STOX2: variants seen among roughly 807,000 people sequenced by gnomAD.
The protein encoded by STOX2 is storkhead box 2.
Under a neutral mutation model 60.9 loss-of-function variants are expected in STOX2, and 28 were observed. That is an observed-to-expected ratio of 0.46 (90% confidence interval 0.34 to 0.63). STOX2 has a LOEUF of 0.63. Among genes scored for constraint, STOX2 ranks in the 30% least tolerant of loss-of-function variants. The probability of loss-of-function intolerance (pLI) is 0.01; values close to 1 mark genes in which losing one functional copy is unlikely to be tolerated. For missense variants in STOX2, 1,024 were observed against 1,187.7 expected (o/e 0.86, Z 2.03); for synonymous variants, 472 against 463.9 (o/e 1.02, Z -0.22).
chr4:183,801,262 T>G (rs553203619), intron 1 of STOX2, among the ~76,000 whole-genome samples: 1 of 152,338 alleles, frequency 6.6e-6, no homozygotes, highest in Admixed American at 6.5e-5. Flanking sequence ...AGAAATAACC[T>G]ACTGTGGGCA....
At chr4:183,979,522 G>A (rs1732574084) in intron 1 of STOX2, among the ~76,000 whole-genome samples, 3 of 152,104 alleles carry the variant, frequency 2.0e-5, no homozygotes, top group African/African-American at 4.8e-5. Context: ...TGATGAAAAT[G>A]TTCTGTATCT....
chr4:183,815,526 T>C (rs977805375), intron 1 of STOX2, among the ~76,000 whole-genome samples: 2 of 152,174 alleles, frequency 1.3e-5, no homozygotes, highest in Admixed American at 6.5e-5. Flanking sequence ...ATAAAATAAA[T>C]TGGACAATTA....
At chr4:183,823,036 T>A (rs1334414614) in intron 1 of STOX2, among the ~76,000 whole-genome samples, 1 of 152,240 alleles carries the variant, frequency 6.6e-6, no homozygotes, top group Non-Finnish European at 1.5e-5. Context: ...AAAGCTTGTA[T>A]GATCTACGTT....
At chr4:183,919,249 C>T (rs763797648) in intron 1 of STOX2, among the ~76,000 whole-genome samples, 12 of 152,252 alleles carry the variant, frequency 7.9e-5, no homozygotes, top group South Asian at 2.1e-4. Context: ...ATGCCAGAGG[C>T]GTAGTGAATA....
rs1354048949 is a variant in STOX2, at chr4:184,010,560, G to A, written c.1722G>A (p.Glu574=). 2 of 1,613,776 alleles carry A rather than the reference G, an allele frequency of 1.2e-6. No individual in the cohort carries two copies. The highest frequency in any genetic ancestry group is 1.7e-6 in the Non-Finnish European group (2 of 1,179,864). ...CGTCCAGCGCTTGCAGCCTTTTGGAGCCAGGAAAACCACCCGAGAGTTTGC... is the reference window on the plus strand; with the variant it reads ...CGTCCAGCGCTTGCAGCCTTTTGGAACCAGGAAAACCACCCGAGAGTTTGC... ...KEPSSACSLL[E]PGKPPESLPS... The change falls in exon 3 of 4, where the codon GAG becomes GAA. Residue 574 remains glutamate, a synonymous_variant. Transcript: ENST00000308497. The surrounding 1 kb of genome is among the most constrained non-coding windows in gnomAD (Gnocchi z 4.5).
Position 183,930,550 on chromosome 4 carries a change from G to A in STOX2, c.166+23594G>A, listed in dbSNP as rs146248185. Reference sequence around the variant, plus strand: ...TTTTTGTATTTTTCCTAGAGACGGAGTCTCATTATATTGCCCAGGCTAGTC... The same window carrying A: ...TTTTTGTATTTTTCCTAGAGACGGAATCTCATTATATTGCCCAGGCTAGTC... On this transcript the variant is annotated intron_variant, in intron 1 of 3. Transcript: ENST00000308497. Among the ~76,000 whole-genome samples, 247 of 150,574 alleles carry A rather than the reference G, an allele frequency of 1.6e-3. 3 individuals carry two copies. The highest frequency in any genetic ancestry group is 5.9e-3 in the African/African-American group (242 of 40,862).
intron 1 of STOX2, among the ~76,000 whole-genome samples, chr4:183,946,216 A>T (rs572904173): frequency 6.6e-6 from 1 of 152,324 alleles, no homozygotes; most frequent in South Asian, 2.1e-4. Context: ...GCTTTCTAGG[A>T]AGACTGACTT....
chr4:184,009,026 C>G lies in STOX2; in HGVS notation c.320-132C>G. ...GATTTGCACTGAACTTAATGAACAC[C>G]TTTGTCTGAATTGTGCATCCTAGCT... On this transcript the variant is annotated intron_variant, in intron 2 of 3. Coordinates refer to ENST00000308497, the MANE Select transcript of STOX2 (RefSeq NM_020225.3). This position sits in a 1 kb window ranked among gnomAD's most constrained non-coding sequence, Gnocchi z 4.0. The G allele has an allele frequency of 1.4e-6, 1 of 701,372 alleles. No homozygotes were observed. Among genetic ancestry groups the G allele is most frequent in the Middle Eastern group, 3.9e-4 (1 of 2,540 alleles). 43.4% of individuals were successfully genotyped at this position (701,372 alleles called of 1,614,324 possible).
rs140487395 is a variant in STOX2 at position 183,976,377 on chromosome 4, A to G, written c.167-24948A>G. On this transcript the variant is annotated intron_variant, in intron 1 of 3. Transcript: ENST00000308497. ...ATCATATTAACATACCAAAGAAGAAAAAAACCACACAATAATATTAACAGA... is the reference window on the plus strand; with the variant it reads ...ATCATATTAACATACCAAAGAAGAAGAAAACCACACAATAATATTAACAGA... 5.9e-5 allele frequency among the ~76,000 whole-genome samples: 9 copies of G among 152,348 alleles called. No individual in the cohort carries two copies. In the East Asian group the frequency reaches 1.7e-3, roughly 29 times the overall value.
chr4:183,914,401 G>T (rs1000166887), intron 1 of STOX2, among the ~76,000 whole-genome samples: 2 of 152,168 alleles, frequency 1.3e-5, no homozygotes, highest in Non-Finnish European at 2.9e-5. Context: ...TTGTGCCACT[G>T]CACTCCAGCC....
intron 1 of STOX2, among the ~76,000 whole-genome samples, chr4:183,966,688 T>C (rs1743579835): frequency 6.6e-6 from 1 of 152,240 alleles, no homozygotes; most frequent in Non-Finnish European, 1.5e-5. Context: ...TAGTTTTCAC[T>C]CATCTTTAGC....
intron 1 of STOX2, among the ~76,000 whole-genome samples, chr4:183,898,718 G>A (rs901584567): frequency 1.3e-5 from 2 of 152,184 alleles, no homozygotes; most frequent in Non-Finnish European, 2.9e-5. Flanking sequence ...CAATGAAAAT[G>A]ACAGGGAGGG....
At chr4:183,827,897 A>T (rs930971072) in intron 1 of STOX2, among the ~76,000 whole-genome samples, 2 of 151,626 alleles carry the variant, frequency 1.3e-5, no homozygotes, top group Non-Finnish European at 2.9e-5. Flanking sequence ...AAAAAAAGAA[A>T]GAAAAAAAGA....
At chr4:183,857,604 A>G (rs1740331960) in intron 1 of STOX2, among the ~76,000 whole-genome samples, 1 of 152,040 alleles carries the variant, frequency 6.6e-6, no homozygotes, top group African/African-American at 2.4e-5. Flanking sequence ...TTCTGCTTTC[A>G]TTCCTTTTAT....
intron 1 of STOX2, among the ~76,000 whole-genome samples, chr4:183,983,646 A>G (rs891687740): frequency 6.6e-6 from 1 of 152,200 alleles, no homozygotes; most frequent in Non-Finnish European, 1.5e-5. Flanking sequence ...GAGCTTATAA[A>G]TGTTTTTGGA....
At chr4:183,891,624 G>T (rs1741217315) in intron 1 of STOX2, among the ~76,000 whole-genome samples, 2 of 151,456 alleles carry the variant, frequency 1.3e-5, no homozygotes, top group Non-Finnish European at 2.9e-5. Flanking sequence ...GTGGGAGGGG[G>T]TGAGGGATAA....
At chr4:183,861,363 G>A (rs577222925) in intron 1 of STOX2, among the ~76,000 whole-genome samples, 2 of 152,284 alleles carry the variant, frequency 1.3e-5, no homozygotes, top group Admixed American at 6.5e-5. Flanking sequence ...GGCCATTGCT[G>A]CTGTTTGCCG....
At chr4:183,881,463 C>T (rs1740957795) in intron 1 of STOX2, among the ~76,000 whole-genome samples, 1 of 152,156 alleles carries the variant, frequency 6.6e-6, no homozygotes, top group Non-Finnish European at 1.5e-5. Context: ...GATTGCACCA[C>T]TGCACTTCAG....
rs993972507 is a variant in STOX2, at chr4:184,001,254, G to A, written c.167-71G>A. On this transcript the variant is annotated intron_variant, in intron 1 of 3. Coordinates refer to ENST00000308497, the MANE Select transcript of STOX2 (RefSeq NM_020225.3). The surrounding 1 kb of genome is among the most constrained non-coding windows in gnomAD (Gnocchi z 4.2). ...CGTCAGACCAGGGCCAGATGGACGC[G>A]TGAAGGCGTGTGTCTGACAGATGAC... 19 of 1,496,036 alleles carry A rather than the reference G, an allele frequency of 1.3e-5. No individual in the cohort carries two copies. Among genetic ancestry groups the A allele is most frequent in the Middle Eastern group, 1.7e-4 (1 of 5,736 alleles). The allele number at this position is 1,496,036 out of a possible 1,614,324, so 92.7% of individuals were successfully genotyped here.
Sources: gnomAD v4.1 joint callset for allele counts (sites outside exome capture counted in the v4.1 genomes callset) on GRCh38, gnomAD v4.1.1 for gene constraint, Gnocchi (gnomAD v3.1) non-coding constraint, MANE v1.5 for transcripts, NCBI Gene and HGNC (gene_info 2026-07-23, HGNC 2026-07-21) for gene names.